TSHZ2: variants seen among roughly 807,000 people sequenced by gnomAD.
TSHZ2 encodes teashirt zinc finger homeobox 2.
Under a neutral mutation model 74.4 loss-of-function variants are expected in TSHZ2, and 21 were observed. The observed-to-expected ratio is 0.28, with a 90% confidence interval of 0.20 to 0.41. TSHZ2 has a LOEUF of 0.41. Among genes scored for constraint, TSHZ2 ranks in the 10% least tolerant of loss-of-function variants. The probability of loss-of-function intolerance (pLI) is 1.00; values close to 1 mark genes in which losing one functional copy is unlikely to be tolerated. For synonymous variants in TSHZ2, 540 were observed against 515.3 expected (o/e 1.05, Z -0.65); for missense variants, 1,244 against 1,293.5 (o/e 0.96, Z 0.59).
At chr20:53,052,811 G>A (rs1203100546) in intron 1 of TSHZ2, among the ~76,000 whole-genome samples, 1 of 152,094 alleles carries the variant, frequency 6.6e-6, no homozygotes, top group African/African-American at 2.4e-5. Context: ...TGCTTTGATT[G>A]ATTTTGGATA....
At chr20:53,084,939 G>C (rs773517080) in intron 1 of TSHZ2, among the ~76,000 whole-genome samples, 30 of 152,012 alleles carry the variant, frequency 2.0e-4, no homozygotes, top group Admixed American at 4.6e-4. Context: ...AGATTGTTAG[G>C]CCTATTTCAA....
chr20:53,429,490 A>G (rs975092684), intron 2 of TSHZ2, among the ~76,000 whole-genome samples: 5 of 152,162 alleles, frequency 3.3e-5, no homozygotes, highest in Admixed American at 3.3e-4. Flanking sequence ...GGTTTTAAAA[A>G]CGGGAGTTTC....
chr20:53,285,510 C>T (rs560065965), intron 2 of TSHZ2, among the ~76,000 whole-genome samples: 1 of 152,144 alleles, frequency 6.6e-6, no homozygotes, highest in East Asian at 1.9e-4. Flanking sequence ...AGGAGTTCAA[C>T]ACCAGCCTGG....
intron 2 of TSHZ2, among the ~76,000 whole-genome samples, chr20:53,450,355 G>T (rs558077963): frequency 3.3e-4 from 51 of 152,302 alleles, no homozygotes; most frequent in African/African-American, 1.2e-3. Flanking sequence ...TGGCAATGAG[G>T]TGCTCCAAAA....
chr20:53,463,589 G>A (rs1194669880), intron 2 of TSHZ2, among the ~76,000 whole-genome samples: 1 of 152,204 alleles, frequency 6.6e-6, no homozygotes, highest in African/African-American at 2.4e-5. Flanking sequence ...GTAGAAATAA[G>A]TGAATAAATG....
In TSHZ2 at chr20:53,488,587, T is replaced by A. The variant is rs1451702872; in HGVS notation, c.*1452T>A. The A allele has an allele frequency of 5.6e-6, 1 of 177,868 alleles. No homozygotes were observed. The highest frequency in any genetic ancestry group is 5.6e-5 in the Admixed American group (1 of 17,820). The allele number at this position is 177,868 out of a possible 1,614,324, so 11.0% of individuals were successfully genotyped here. On this transcript the variant is annotated 3_prime_UTR_variant, in exon 3 of 3. Transcript: ENST00000371497. ...TCTCAAAGGACAAATACGTCTGGAT[T>A]ATGTGGTAAATTGCTACTCAGCTAT...
rs540549185 is a variant in TSHZ2, at chr20:53,413,689, T to C, written c.*9-73455T>C. Among the ~76,000 whole-genome samples the C allele has an allele frequency of 4.6e-5, 7 of 152,374 alleles. No individual in the cohort carries two copies. In the South Asian group the frequency reaches 1.0e-3, roughly 23 times the overall value. Reference sequence around the variant, plus strand: ...CATCCATTGGAATTGCATAAGCACATTTTAGTTTTCTATGCCAGGAGACCC... The same window carrying C: ...CATCCATTGGAATTGCATAAGCACACTTTAGTTTTCTATGCCAGGAGACCC... On this transcript the variant is annotated intron_variant, in intron 2 of 2. Transcript: ENST00000371497.
chr20:53,362,895 C>T (rs1981120700), intron 2 of TSHZ2, among the ~76,000 whole-genome samples: 1 of 152,218 alleles, frequency 6.6e-6, no homozygotes, highest in South Asian at 2.1e-4. Context: ...CCTCTGAACA[C>T]TCATCTCCAC....
intron 2 of TSHZ2, among the ~76,000 whole-genome samples, chr20:53,308,113 C>T (rs1181306806): frequency 2.6e-5 from 4 of 152,070 alleles, no homozygotes; most frequent in Admixed American, 6.6e-5. Context: ...TGACAAAGGG[C>T]GTTTGCATAG....
chr20:53,092,222 C>T (rs75249475), intron 1 of TSHZ2, among the ~76,000 whole-genome samples: 10 of 152,106 alleles, frequency 6.6e-5, no homozygotes, highest in Non-Finnish European at 1.5e-4. Context: ...TAGCCCTATA[C>T]GAGAGACCTT....
At chr20:53,174,786 T>C (rs1988287728) in intron 1 of TSHZ2, among the ~76,000 whole-genome samples, 1 of 152,128 alleles carries the variant, frequency 6.6e-6, no homozygotes, top group South Asian at 2.1e-4. Flanking sequence ...CCCAGTGTAA[T>C]ATTTAGACAA....
At chr20:53,473,801 G>A (rs1350360538) in intron 2 of TSHZ2, among the ~76,000 whole-genome samples, 3 of 152,112 alleles carry the variant, frequency 2.0e-5, no homozygotes, top group Non-Finnish European at 2.9e-5. Flanking sequence ...CCAATACAGA[G>A]AAGTGCTTAA....
chr20:53,205,690 G>A (rs1019103112), intron 1 of TSHZ2, among the ~76,000 whole-genome samples: 2 of 152,126 alleles, frequency 1.3e-5, no homozygotes, highest in African/African-American at 4.8e-5. Flanking sequence ...ATAGACTCAT[G>A]GGTGTGTTTG....
intron 1 of TSHZ2, chr20:53,168,652 ACACAGTAAACATTTATGTT>A (rs1267174682): frequency 6.6e-6 from 1 of 152,202 alleles, no homozygotes; most frequent in African/African-American, 2.4e-5. Flanking sequence ...CAGTGGCCCA[ACACAGTAAACATTTATGTT>A]TCACATGTAC....
chr20:53,235,353 A>G (rs1022867628), intron 1 of TSHZ2, among the ~76,000 whole-genome samples: 27 of 151,656 alleles, frequency 1.8e-4, no homozygotes, highest in African/African-American at 5.1e-4. Flanking sequence ...TATTTTTAGT[A>G]GAGACGGGGT....
At chr20:53,240,563 C>A (rs1990039573) in intron 1 of TSHZ2, among the ~76,000 whole-genome samples, 1 of 152,094 alleles carries the variant, frequency 6.6e-6, no homozygotes, top group Non-Finnish European at 1.5e-5. Context: ...AGATGCTTTT[C>A]CAGGAACTCA....
chr20:53,107,381 C>T (rs1308681274), intron 1 of TSHZ2, among the ~76,000 whole-genome samples: 2 of 152,200 alleles, frequency 1.3e-5, no homozygotes, highest in Non-Finnish European at 2.9e-5. Flanking sequence ...ATGAGGGCCT[C>T]AGAGGGCTAG....
intron 1 of TSHZ2, among the ~76,000 whole-genome samples, chr20:53,069,659 TGATA>T (rs1283327207): frequency 1.7e-5 from 2 of 118,146 alleles, no homozygotes; most frequent in African/African-American, 7.1e-5. Flanking sequence ...GTCAATGCTT[TGATA>T]CACACACACA....
intron 1 of TSHZ2, among the ~76,000 whole-genome samples, chr20:53,081,946 A>C (rs1985550528): frequency 6.8e-6 from 1 of 147,942 alleles, no homozygotes; most frequent in Admixed American, 6.8e-5. Flanking sequence ...CCCAGGCTGG[A>C]GTGCAGTCAG....
Sources: allele counts gnomAD v4.1 joint callset (sites outside exome capture counted in the v4.1 genomes callset), GRCh38; gene constraint gnomAD v4.1.1; transcripts MANE v1.5; gene names NCBI Gene and HGNC (gene_info 2026-07-23, HGNC 2026-07-21).